PDGFD: variants seen among roughly 807,000 people sequenced by gnomAD.
The protein encoded by PDGFD is platelet derived growth factor D, also known as platelet-derived growth factor D.
In PDGFD, 30 loss-of-function variants were observed where a neutral mutation model predicts 44.7. That is an observed-to-expected ratio of 0.67 (90% CI 0.50 to 0.91). The LOEUF (loss-of-function observed/expected upper bound fraction) is 0.91, where lower values mean the gene tolerates loss of function less well. Ranked by LOEUF, PDGFD falls within the 40% of genes least tolerant of loss-of-function variation. The probability of loss-of-function intolerance (pLI) is 0.00; values close to 1 mark genes in which losing one functional copy is unlikely to be tolerated. For synonymous variants in PDGFD, 173 were observed against 168.4 expected, an observed-to-expected ratio of 1.03 and a Z score of -0.21; for missense variants, 445 against 457.8, an observed-to-expected ratio of 0.97 and a Z score of 0.25.
chr11:104,009,317 T>A (rs1443133105), intron 1 of PDGFD, among the ~76,000 whole-genome samples: 2 of 152,084 alleles, frequency 1.3e-5, no homozygotes, highest in Non-Finnish European at 2.9e-5. Context: ...TTAAGCAATA[T>A]ACAAAATCGG....
intron 1 of PDGFD, among the ~76,000 whole-genome samples, chr11:104,003,519 G>A (rs11226109): frequency 0.14 from 21,097 of 152,214 alleles, 1,514 homozygotes; most frequent in South Asian, 0.22. Context: ...TGGCAGTGAT[G>A]CCACTTTGGG....
intron 1 of PDGFD, among the ~76,000 whole-genome samples, chr11:104,127,876 G>A (rs1861862152): frequency 6.6e-6 from 1 of 152,114 alleles, no homozygotes; most frequent in South Asian, 2.1e-4. Context: ...CTGCCATTTA[G>A]TTATTTAGCT....
At chr11:104,124,005 T>C (rs1013170084) in intron 1 of PDGFD, among the ~76,000 whole-genome samples, 2 of 1,558 alleles carry the variant, frequency 1.3e-3, no homozygotes, top group Non-Finnish European at 1.8e-3. Context: ...ACTGAGTTTA[T>C]ATATATGAAG....
chr11:104,092,776 A>G (rs938179061), intron 1 of PDGFD, among the ~76,000 whole-genome samples: 4 of 152,220 alleles, frequency 2.6e-5, no homozygotes, highest in African/African-American at 9.6e-5. Flanking sequence ...ATGGACTTAC[A>G]TAAACAGAAG....
At position 103,925,716 on chromosome 11, in the gene PDGFD, C is replaced by CATATAT. The variant is rs370841769; in HGVS notation, c.987+1190_987+1195dup. 3.4e-3 allele frequency among the ~76,000 whole-genome samples: 415 copies of CATATAT among 122,750 alleles called. 4 individuals carry two copies. The highest frequency in any genetic ancestry group is 4.9e-3 in the African/African-American group (152 of 31,082). 80.5% of individuals were successfully genotyped at this position (122,750 alleles called of 152,430 possible). A position where few individuals can be genotyped will look rare whatever the true frequency, so the allele number is the denominator to read the frequency against. On this transcript the variant is annotated intron_variant, in intron 6 of 6. Coordinates refer to ENST00000393158, the MANE Select transcript of PDGFD (RefSeq NM_025208.5). The stretch of plus-strand genomic sequence containing the variant: ...ATATATATACACAGACACACACACA[C>CATATAT]ATATATATATATATATATATGTAAT...
chr11:104,050,869 A>G (rs767553023), intron 1 of PDGFD, among the ~76,000 whole-genome samples: 30 of 152,186 alleles, frequency 2.0e-4, no homozygotes, highest in Non-Finnish European at 3.4e-4. Context: ...AATTGTCCAT[A>G]TCATGGAAGC....
intron 3 of PDGFD, among the ~76,000 whole-genome samples, chr11:103,980,206 A>T (rs1859247811): frequency 6.6e-6 from 1 of 152,054 alleles, no homozygotes; most frequent in Non-Finnish European, 1.5e-5. Flanking sequence ...CATTTCAGGA[A>T]AAAAGAAAAT....
At chr11:103,987,448 C>T (rs971091043) in intron 3 of PDGFD, among the ~76,000 whole-genome samples, 1 of 152,130 alleles carries the variant, frequency 6.6e-6, no homozygotes, top group African/African-American at 2.4e-5. Flanking sequence ...TGTAACCAGA[C>T]TTGTGATCTT....
chr11:104,023,127 A>T (rs577475645), intron 1 of PDGFD, among the ~76,000 whole-genome samples: 15 of 152,270 alleles, frequency 9.9e-5, no homozygotes, highest in Admixed American at 5.2e-4. Context: ...ATAGCTTTGT[A>T]TATAATTAAA....
At chr11:103,964,034 T>C (rs562291319) in intron 3 of PDGFD, among the ~76,000 whole-genome samples, 18 of 152,156 alleles carry the variant, frequency 1.2e-4, no homozygotes, top group Non-Finnish European at 2.1e-4. Flanking sequence ...TTTAGCCTTC[T>C]AGAGCTTCTC....
At chr11:103,992,299 A>G (rs1456555361) in intron 3 of PDGFD, among the ~76,000 whole-genome samples, 1 of 152,180 alleles carries the variant, frequency 6.6e-6, no homozygotes, top group African/African-American at 2.4e-5. Flanking sequence ...AGAATTATGC[A>G]TAGGAATGAG....
intron 1 of PDGFD, among the ~76,000 whole-genome samples, chr11:104,071,429 CGT>C (rs144455506): frequency 8.5e-4 from 124 of 145,362 alleles, no homozygotes; most frequent in Admixed American, 9.6e-4. Flanking sequence ...TATTTGAGTG[CGT>C]GTGTGTGTGT....
chr11:104,147,005 A>T (rs1323876244), intron 1 of PDGFD, among the ~76,000 whole-genome samples: 1 of 151,296 alleles, frequency 6.6e-6, no homozygotes, highest in African/African-American at 2.4e-5. Context: ...GGCATACTAA[A>T]AAAAAAAAAA....
At chr11:103,940,672 G>A (rs1858569181) in intron 5 of PDGFD, among the ~76,000 whole-genome samples, 1 of 152,102 alleles carries the variant, frequency 6.6e-6, no homozygotes, top group Non-Finnish European at 1.5e-5. Flanking sequence ...CCTTGTTTTT[G>A]TGATACATGC....
chr11:104,151,131 GCTCT>G (rs201172493), intron 1 of PDGFD, among the ~76,000 whole-genome samples: 4 of 151,032 alleles, frequency 2.6e-5, no homozygotes, highest in East Asian at 1.9e-4. Context: ...TAGAAAGCTC[GCTCT>G]CTCTCTCTCT....
chr11:104,031,799 A>G (rs1860130433), intron 1 of PDGFD, among the ~76,000 whole-genome samples: 1 of 152,240 alleles, frequency 6.6e-6, no homozygotes, highest in South Asian at 2.1e-4. Flanking sequence ...TACATCATGA[A>G]ATACTATGCA....
chr11:104,009,300 G>C (rs1859747992), intron 1 of PDGFD, among the ~76,000 whole-genome samples: 1 of 151,988 alleles, frequency 6.6e-6, no homozygotes, highest in Non-Finnish European at 1.5e-5. Context: ...GGCTGCTCTT[G>C]GATTTATTAA....
chr11:103,937,799 C>T (rs530973509), intron 5 of PDGFD, among the ~76,000 whole-genome samples: 2,047 of 147,772 alleles, frequency 0.014, 30 homozygotes, highest in African/African-American at 0.044. Flanking sequence ...TGAGAACATG[C>T]GGTGTTTGGT....
intron 6 of PDGFD, among the ~76,000 whole-genome samples, chr11:103,924,960 C>A (rs963142360): frequency 6.6e-6 from 1 of 152,120 alleles, no homozygotes; most frequent in African/African-American, 2.4e-5. Context: ...CTATCCCTCC[C>A]CCAACCCCCA....
Sources: gnomAD v4.1 joint callset for allele counts (sites outside exome capture counted in the v4.1 genomes callset) on GRCh38, gnomAD v4.1.1 for gene constraint, MANE v1.5 for transcripts, NCBI Gene and HGNC (gene_info 2026-07-23, HGNC 2026-07-21) for gene names.